Variants in ZNF219 observed in about 807,000 individuals in gnomAD.
ZNF219 encodes zinc finger protein 219.
In ZNF219, 17 loss-of-function variants were observed where a neutral mutation model predicts 54.4. The observed-to-expected ratio is 0.31, with a 90% CI of 0.21 to 0.47. The LOEUF is 0.47. ZNF219 is among the 20% of genes least tolerant of loss of function. The probability of loss-of-function intolerance (pLI) is 1.00; values close to 1 mark genes in which losing one functional copy is unlikely to be tolerated. For missense variants in ZNF219, 1,014 were observed against 1,062.3 expected (o/e 0.95, Z 0.63); for synonymous variants, 518 against 476.4 (o/e 1.09, Z -1.14).
rs747976313 is a variant in ZNF219, at chr14:21,092,247, G to C, written c.1050C>G (p.Gly350=). 52 of 1,461,828 alleles carry C rather than the reference G, an allele frequency of 3.6e-5. No individual in the cohort carries two copies. Among genetic ancestry groups the C allele is most frequent in the Non-Finnish European group, 4.6e-5 (51 of 1,111,376 alleles). 90.6% of individuals were successfully genotyped at this position (1,461,828 alleles called of 1,614,324 possible). The part of the protein sequence containing the change: ...PARAPQPPDL[G]LLAYEPLGPA... The stretch of plus-strand genomic sequence containing the variant: ...GGCCCAACGGCTCATAGGCCAGCAG[G>C]CCGAGGTCAGGAGGCTGGGGGGCGC... The change falls in exon 3 of 5, where the codon GGC becomes GGG. Residue 350 remains glycine, a synonymous_variant. Coordinates refer to ENST00000360947, the MANE Select transcript of ZNF219 (RefSeq NM_016423.3).
chr14:21,104,559 T>C (rs1889836276), exon 1 of ZNF219: 2 of 152,300 alleles, frequency 1.3e-5, no homozygotes, highest in South Asian at 4.1e-4. Flanking sequence ...ACACTCATTT[T>C]TGTTCCCACT....
At position 21,092,540 on chromosome 14, in the gene ZNF219, C is replaced by G. The variant is rs769145529; in HGVS notation, c.757G>C (p.Glu253Gln). The change falls in exon 3 of 5, where the codon GAA becomes CAA. Residue 253 changes from glutamate (E) to glutamine (Q), a missense_variant. Physicochemically the swap from Glu to Gln is conservative, Grantham distance 29. Transcript: ENST00000360947. ...GCTGGGGTCGGGGTTGCCTCACGTT[C>G]GGGCTCCGGCTCCGGCTCCGGCTGG... ...VPQPEPEPEP[E>Q]REATPTPAPA... 7.7e-6 allele frequency: 12 copies of G among 1,549,034 alleles called. No homozygotes were observed. Among genetic ancestry groups the G allele is most frequent in the Non-Finnish European group, 1.0e-5 (12 of 1,146,452 alleles).
chr14:21,094,053 G>A lies in ZNF219; in HGVS notation c.-83-379C>T, dbSNP rs533814911. Reference sequence around the variant, plus strand: ...GCCATGCTCCCCATTTATCCAAGTGGGACCAGTTGCTCTGAGATCCCTAAC... The same window carrying A: ...GCCATGCTCCCCATTTATCCAAGTGAGACCAGTTGCTCTGAGATCCCTAAC... On this transcript the variant is annotated intron_variant, in intron 1 of 4. Coordinates refer to ENST00000360947, the MANE Select transcript of ZNF219 (RefSeq NM_016423.3). 3.9e-5 allele frequency among the ~76,000 whole-genome samples: 6 copies of A among 152,220 alleles called. No homozygotes were observed. In the South Asian group the frequency reaches 1.2e-3, roughly 32 times the overall value.
At position 21,091,504 on chromosome 14, in the gene ZNF219, C is replaced by T. The variant is rs772788393; in HGVS notation, c.1471G>A (p.Gly491Arg). ...TCCTTGCCGGTGGCGCCCCGGCCCC[C>T]TTCAGGCCGGGTCCCTCCAACCAAC... ...GLLVGGTRPE[G>R]GRGATGKDCP... Residue 491 changes from glycine (G) to arginine (R), a missense_variant, in exon 4 of 5, where the codon GGG (glycine) becomes AGG (arginine). Physicochemically the swap from Gly to Arg is moderately radical, Grantham distance 125. Around this residue, in one of 5 missense-constraint regions of ZNF219, gnomAD observed 272 missense variants for 248.9 expected, o/e 1.09. Coordinates refer to ENST00000360947, the MANE Select transcript of ZNF219 (RefSeq NM_016423.3). The T allele has an allele frequency of 7.5e-6, 12 of 1,609,200 alleles. No homozygotes were observed. The highest frequency in any genetic ancestry group is 3.3e-5 in the South Asian group (3 of 90,992).
intron 3 of ZNF219, 62 bp from the exon 4 acceptor site, chr14:21,091,604 C>T: frequency 1.3e-6 from 2 of 1,543,330 alleles, no homozygotes; most frequent in South Asian, 2.4e-5. Flanking sequence ...TGCCGCGCAC[C>T]CACCCCACAC....
rs1888972146 is a variant in ZNF219 at position 21,092,289 on chromosome 14, A to G, written c.1008T>C (p.Pro336=). Residue 336 remains proline (P), a synonymous_variant, in exon 3 of 5, where the codon CCT becomes CCC. Transcript: ENST00000360947. Reference sequence around the variant, plus strand: ...GGGGGGCGCGGGCAGGCCCGGAGGCAGGCCCCGGGGCACGCAGTGGGCCCA... The same window carrying G: ...GGGGGGCGCGGGCAGGCCCGGAGGCGGGCCCCGGGGCACGCAGTGGGCCCA... ...SKLGPLRAPG[P]ASGPARAPQP... is the part of the protein sequence containing the mutation. 6.6e-7 allele frequency: 1 copy of G among 1,512,192 alleles called. No individual in the cohort carries two copies. Among genetic ancestry groups the G allele is most frequent in the African/African-American group, 1.4e-5 (1 of 72,360 alleles). The allele number at this position is 1,512,192 out of a possible 1,614,324, so 93.7% of individuals were successfully genotyped here. A position where few individuals can be genotyped will look rare whatever the true frequency, so the allele number is the denominator to read the frequency against.
upstream of ZNF219, chr14:21,103,316 G>C (rs1365580954): frequency 6.6e-7 from 1 of 1,519,980 alleles, no homozygotes; most frequent in Non-Finnish European, 8.8e-7. Context: ...AGCTTGCTGG[G>C]ATCCTTCGAG....
chr14:21,101,725 G>T, upstream of ZNF219: 1 of 702,222 alleles, frequency 1.4e-6, no homozygotes, highest in Non-Finnish European at 2.3e-6. Context: ...AATTTTTAAT[G>T]ATCACGTCCT....
chr14:21,094,028 G>C (rs1452653009), intron 1 of ZNF219, among the ~76,000 whole-genome samples: 6 of 152,164 alleles, frequency 3.9e-5, no homozygotes, highest in Non-Finnish European at 7.3e-5. Flanking sequence ...AGGTGGGCTT[G>C]CCATGCTCCC....
In ZNF219 at chr14:21,092,383, G is replaced by T; in HGVS notation, c.914C>A (p.Pro305Gln). 6.3e-7 allele frequency: 1 copy of T among 1,574,986 alleles called. No homozygotes were observed. Among genetic ancestry groups the T allele is most frequent in the Admixed American group, 1.8e-5 (1 of 54,312 alleles). The change falls in exon 3 of 5, where the codon CCG (proline) becomes CAG (glutamine). Residue 305 changes from proline (P) to glutamine (Q), a missense_variant. Pro to Gln is a moderately conservative substitution (Grantham distance 76). Coordinates refer to ENST00000360947, the MANE Select transcript of ZNF219 (RefSeq NM_016423.3). ...CTCCTTGAAGCAGCGGCCGCACACC[G>T]GACACGCATGATCGAAGGAGGCCTT... is the stretch of plus-strand genomic sequence containing the variant. Reference protein sequence around the residue: ...KHKASFDHACPVCGRCFKEPW... With the variant: ...KHKASFDHACQVCGRCFKEPW...
upstream of ZNF219, among the ~76,000 whole-genome samples, chr14:21,099,989 C>G (rs569464317): frequency 6.6e-5 from 10 of 152,146 alleles, no homozygotes; most frequent in African/African-American, 2.4e-4. Context: ...AAACACCCAC[C>G]CTGAATCAAC....
chr14:21,100,800 C>T (rs1345611855), upstream of ZNF219, among the ~76,000 whole-genome samples: 2 of 151,964 alleles, frequency 1.3e-5, no homozygotes, highest in African/African-American at 4.8e-5. Flanking sequence ...TAGGGAAGGG[C>T]ACATAATTTG....
At position 21,090,910 on chromosome 14, in the gene ZNF219, TAGA is replaced by T. The variant is rs1566546252; in HGVS notation, c.1792_1794del (p.Ser599del). 2.6e-6 allele frequency: 4 copies of T among 1,550,264 alleles called. No individual in the cohort carries two copies. Among genetic ancestry groups the T allele is most frequent in the Admixed American group, 1.9e-5 (1 of 51,906 alleles). On this transcript the variant is annotated inframe_deletion, in exon 5 of 5. Coordinates refer to ENST00000360947, the MANE Select transcript of ZNF219 (RefSeq NM_016423.3). The surrounding 1 kb of genome is among the most constrained non-coding windows in gnomAD (Gnocchi z 4.4). ...CGACGGGACCCCGGCCCAGCACCGCTAGAAGGAGGCCGGGGACTTGAGGCGCCC... is the reference window on the plus strand; with the variant it reads ...CGACGGGACCCCGGCCCAGCACCGCTAGGAGGCCGGGGACTTGAGGCGCCC...
Position 21,090,589 on chromosome 14 carries a change from C to T in ZNF219, c.2116G>A (p.Gly706Ser). 6.2e-7 allele frequency: 1 copy of T among 1,609,720 alleles called. No individual in the cohort carries two copies. The highest frequency in any genetic ancestry group is 2.2e-5 in the East Asian group (1 of 44,740). ...PPSPSQEGEE[G>S]SGLSRPGEAG... Reference sequence around the variant, plus strand: ...TCTCCGGGTCTGGACAGCCCGGAGCCCTCCTCCCCTTCCTGCGAAGGACTG... The same window carrying T: ...TCTCCGGGTCTGGACAGCCCGGAGCTCTCCTCCCCTTCCTGCGAAGGACTG... Residue 706 changes from glycine to serine, a missense_variant, in exon 5 of 5, where the codon GGC (glycine) becomes AGC (serine). By Grantham distance (56) the Gly-to-Ser change is moderately conservative. This residue lies in a region of ZNF219 where 281 missense variants were observed against 271.2 expected (regional missense o/e 1.04). Coordinates refer to ENST00000360947, the MANE Select transcript of ZNF219 (RefSeq NM_016423.3). This position sits in a 1 kb window ranked among gnomAD's most constrained non-coding sequence, Gnocchi z 4.4.
upstream of ZNF219, chr14:21,103,508 A>T (rs1566559093): frequency 2.0e-6 from 1 of 512,424 alleles, no homozygotes. Flanking sequence ...ACAGCTTCAC[A>T]TTTGCCTCAT....
At chr14:21,095,735 G>C (rs1659548412) in intron 1 of ZNF219, among the ~76,000 whole-genome samples, 1 of 152,126 alleles carries the variant, frequency 6.6e-6, no homozygotes, top group Non-Finnish European at 1.5e-5. Flanking sequence ...AGAAAAGCTA[G>C]AGCATTTTTT....
chr14:21,094,246 A>G, intron 1 of ZNF219: 1 of 404,986 alleles, frequency 2.5e-6, no homozygotes, highest in Non-Finnish European at 4.9e-6. Context: ...AACACCTCCC[A>G]GCAGCAGAGT....
chr14:21,090,450 C>G lies in ZNF219; in HGVS notation c.*86G>C. 6.7e-7 allele frequency: 1 copy of G among 1,484,168 alleles called. No individual in the cohort carries two copies. Among genetic ancestry groups the G allele is most frequent in the Non-Finnish European group, 9.0e-7 (1 of 1,106,516 alleles). 91.9% of individuals were successfully genotyped at this position (1,484,168 alleles called of 1,614,324 possible). A position where few individuals can be genotyped will look rare whatever the true frequency, so the allele number is the denominator to read the frequency against. ...CTGGGATATGGGTCCCACGCTGCCC[C>G]CTGCTGGCTTCTCTACCCAACTACC... On this transcript the variant is annotated 3_prime_UTR_variant, in exon 5 of 5. Coordinates refer to ENST00000360947, the MANE Select transcript of ZNF219 (RefSeq NM_016423.3). The surrounding 1 kb of genome is among the most constrained non-coding windows in gnomAD (Gnocchi z 4.4).
upstream of ZNF219, chr14:21,101,962 G>T (rs993290147): frequency 1.4e-5 from 22 of 1,551,502 alleles, no homozygotes; most frequent in Admixed American, 1.4e-4. Context: ...CTGCCTCTTG[G>T]GCCTGGAGCC....
Sources: gnomAD v4.1 joint callset for allele counts (sites outside exome capture counted in the v4.1 genomes callset) on GRCh38, gnomAD v4.1.1 for gene constraint, gnomAD v4.1.1 regional missense constraint, Gnocchi (gnomAD v3.1) non-coding constraint, MANE v1.5 for transcripts, NCBI Gene and HGNC (gene_info 2026-07-23, HGNC 2026-07-21) for gene names.